SLCO5A1: variants seen among roughly 807,000 people sequenced by gnomAD.
SLCO5A1 encodes solute carrier organic anion transporter family member 5A1, also known as organic anion transporter polypeptide-related protein 4.
SLCO5A1 carries 39 observed loss-of-function variants against 65.1 expected under a neutral mutation model. The ratio of observed to expected loss-of-function variants is 0.60; its 90% CI spans 0.46 to 0.78. SLCO5A1 has a LOEUF of 0.78. Among genes scored for constraint, SLCO5A1 ranks in the 30% least tolerant of loss-of-function variants. The probability of loss-of-function intolerance (pLI) is 0.00; values close to 1 mark genes in which losing one functional copy is unlikely to be tolerated. For missense variants in SLCO5A1, 1,029 were observed against 1,069.4 expected (o/e 0.96, Z 0.53); for synonymous variants, 438 against 415.7 (o/e 1.05, Z -0.65).
chr8:69,831,775 A>G lies in SLCO5A1; in HGVS notation c.899T>C (p.Leu300Ser). The change falls in exon 2 of 10, where the codon TTG becomes TCG. Residue 300 changes from leucine to serine, a missense_variant. Leu to Ser is a moderately radical substitution (Grantham distance 145, BLOSUM62 -2). Coordinates refer to ENST00000260126, the MANE Select transcript of SLCO5A1 (RefSeq NM_030958.3). ...DDNVKKENSS[L>S]YLAIMYVMGA... ...GAACAGGAAAGTCTTACCTAGGTACAAGGAGGAGTTTTCTTTCTTGACATT... is the reference window on the plus strand; with the variant it reads ...GAACAGGAAAGTCTTACCTAGGTACGAGGAGGAGTTTTCTTTCTTGACATT... 6.2e-7 allele frequency: 1 copy of G among 1,613,888 alleles called. No individual in the cohort carries two copies.
In SLCO5A1 at chr8:69,832,077, G is replaced by A. The variant is rs773246886; in HGVS notation, c.597C>T (p.Ala199=). 2.0e-5 allele frequency: 33 copies of A among 1,613,550 alleles called. No homozygotes were observed. The highest frequency in any genetic ancestry group is 2.8e-5 in the Non-Finnish European group (33 of 1,179,970). Residue 199 remains alanine, a synonymous_variant, in exon 2 of 10, where the codon GCC becomes GCT. Transcript: ENST00000260126. The surrounding 1 kb of genome is among the most constrained non-coding windows in gnomAD (Gnocchi z 4.5). ...GGRGRRPLWL[A]VGGLLIAFGA... ...CGAAGGCGATGAGGAGTCCACCCAC[G>A]GCCAGCCACAGGGGCCGCCGACCCC...
chr8:69,752,824 G>C (rs1817375946), intron 4 of SLCO5A1, among the ~76,000 whole-genome samples: 1 of 152,092 alleles, frequency 6.6e-6, no homozygotes, highest in Admixed American at 6.5e-5. Context: ...GATAATCAAG[G>C]CATAGGGTAA....
rs1160770352 is a variant in SLCO5A1, at chr8:69,667,501, C to T, written c.*5368G>A. On this transcript the variant is annotated 3_prime_UTR_variant, in exon 10 of 10. Transcript: ENST00000260126. ...CTTACCAATTATCAATTACCAATTG[C>T]CAATAATCGGTACTAGTCTTACCAA... 2 of 152,138 alleles carry T rather than the reference C, an allele frequency of 1.3e-5. No individual in the cohort carries two copies. Among genetic ancestry groups the T allele is most frequent in the African/African-American group, 4.8e-5 (2 of 41,410 alleles). 9.4% of individuals were successfully genotyped at this position (152,138 alleles called of 1,614,324 possible).
intron 2 of SLCO5A1, among the ~76,000 whole-genome samples, chr8:69,818,488 G>A (rs1586832427): frequency 6.6e-6 from 1 of 152,272 alleles, no homozygotes; most frequent in East Asian, 1.9e-4. Flanking sequence ...CAGAAGGACT[G>A]TTTCAGACCA....
chr8:69,831,891 C>G lies in SLCO5A1; in HGVS notation c.783G>C (p.Trp261Cys). 1 of 1,610,918 alleles carries G rather than the reference C, an allele frequency of 6.2e-7. No individual in the cohort carries two copies. Among genetic ancestry groups the G allele is most frequent in the Non-Finnish European group, 8.5e-7 (1 of 1,179,152 alleles). Residue 261 changes from tryptophan (W) to cysteine (C), a missense_variant, in exon 2 of 10, where the codon TGG becomes TGC. Physicochemically the swap from Trp to Cys is radical, Grantham distance 215. Transcript: ENST00000260126. Reference sequence around the variant, plus strand: ...CGCAAATGAATAAAGCCACGTAGACCCAGTGATTATTTCCTCCCGAGTCCT... The same window carrying G: ...CGCAAATGAATAAAGCCACGTAGACGCAGTGATTATTTCCTCCCGAGTCCT... ...CPKDSGGNNH[W>C]VYVALFICAQ...
At chr8:69,697,686 A>C (rs1814556633) in intron 6 of SLCO5A1, among the ~76,000 whole-genome samples, 1 of 151,922 alleles carries the variant, frequency 6.6e-6, no homozygotes, top group Non-Finnish European at 1.5e-5. Context: ...ATTTCACAAC[A>C]CCTTGAAAAA....
intron 2 of SLCO5A1, among the ~76,000 whole-genome samples, chr8:69,790,477 A>C (rs1819220315): frequency 6.6e-6 from 1 of 152,070 alleles, no homozygotes; most frequent in African/African-American, 2.4e-5. Context: ...TTTAACTATT[A>C]AAATTGAGGA....
At chr8:69,784,832 A>G (rs1415126149) in intron 2 of SLCO5A1, among the ~76,000 whole-genome samples, 3 of 145,594 alleles carry the variant, frequency 2.1e-5, no homozygotes, top group Non-Finnish European at 4.5e-5. Flanking sequence ...AGAAAGAAAG[A>G]AAGAAAGAAA....
chr8:69,714,734 C>T (rs1165971355), intron 5 of SLCO5A1: 1 of 152,194 alleles, frequency 6.6e-6, no homozygotes, highest in Non-Finnish European at 1.5e-5. Context: ...AAAACCTTAG[C>T]CTCAATGACT....
At position 69,757,801 on chromosome 8, in the gene SLCO5A1, TGCTC is replaced by T. The variant is rs1269742434; in HGVS notation, c.1041-2164_1041-2161del. On this transcript the variant is annotated intron_variant, in intron 3 of 9. Coordinates refer to ENST00000260126, the MANE Select transcript of SLCO5A1 (RefSeq NM_030958.3). ...TTACCCATCAGGCACTATCAGGCAC[TGCTC>T]ACTTGCCTCTGGAGCCTCTCTCCAC... 6.1e-5 allele frequency among the ~76,000 whole-genome samples: 9 copies of T among 146,856 alleles called. No homozygotes were observed. In the South Asian group the frequency reaches 8.6e-4, roughly 14 times the overall value.
chr8:69,826,312 G>C (rs930918841), intron 2 of SLCO5A1, among the ~76,000 whole-genome samples: 1 of 151,760 alleles, frequency 6.6e-6, no homozygotes, highest in Non-Finnish European at 1.5e-5. Flanking sequence ...CTTCTGCACA[G>C]CAAAAGAAAC....
rs200624129 is a variant in SLCO5A1, at chr8:69,716,780, T to TC, written c.1424-11552dup. 4.5e-3 allele frequency among the ~76,000 whole-genome samples: 551 copies of TC among 122,932 alleles called. 3 individuals are homozygous for TC. The highest frequency in any genetic ancestry group is 0.016 in the African/African-American group (504 of 31,338). 80.6% of individuals were successfully genotyped at this position (122,932 alleles called of 152,430 possible). On this transcript the variant is annotated intron_variant, in intron 5 of 9. Coordinates refer to ENST00000260126, the MANE Select transcript of SLCO5A1 (RefSeq NM_030958.3). The stretch of plus-strand genomic sequence containing the variant: ...TCTCCCATTCTGCAAGCTGTGTTTT[T>TC]CCTTTTTTTTTTTTTTTAAGACAGG...
intron 2 of SLCO5A1, among the ~76,000 whole-genome samples, chr8:69,767,241 C>T (rs149479327): frequency 2.2e-4 from 34 of 152,274 alleles, no homozygotes; most frequent in East Asian, 1.9e-4. Context: ...TCTGAGAGCA[C>T]GCTAAATCAT....
chr8:69,738,454 A>C (rs1051579872), intron 4 of SLCO5A1, among the ~76,000 whole-genome samples: 5 of 152,232 alleles, frequency 3.3e-5, no homozygotes, highest in African/African-American at 1.2e-4. Context: ...CCCATACACA[A>C]ATATCCTTAT....
At chr8:69,768,991 C>T (rs145281731) in intron 2 of SLCO5A1, among the ~76,000 whole-genome samples, 162 of 152,296 alleles carry the variant, frequency 1.1e-3, no homozygotes, top group African/African-American at 3.6e-3. Context: ...TTCACTCAGT[C>T]GGCACACTGA....
intron 6 of SLCO5A1, among the ~76,000 whole-genome samples, chr8:69,690,086 A>G (rs529450318): frequency 1.6e-3 from 239 of 151,974 alleles, no homozygotes; most frequent in Middle Eastern, 0.01. Context: ...CTTATTCTAC[A>G]CCTCTCATGT....
chr8:69,738,176 T>G lies in SLCO5A1; in HGVS notation c.1287A>C (p.Leu429Phe), dbSNP rs1204582087. 2 of 1,612,030 alleles carry G rather than the reference T, an allele frequency of 1.2e-6. No homozygotes were observed. The highest frequency in any genetic ancestry group is 1.7e-6 in the Non-Finnish European group (2 of 1,178,962). Residue 429 changes from leucine to phenylalanine, a missense_variant, in exon 5 of 10, where the codon TTA (leucine) becomes TTC (phenylalanine). By Grantham distance (22) the Leu-to-Phe change is conservative (BLOSUM62 0). Around this residue, in one of 3 missense-constraint regions of SLCO5A1, gnomAD observed 647 missense variants for 647.5 expected, o/e 1.00. Transcript: ENST00000260126. ...TCACAAAAAGGAATGTCATGTTGCT[T>G]AAGATCCTGACAGCTGCTCTTGGTA... ...RDLPRAAVRI[L>F]SNMTFLFVSL...
rs530600449 is a variant in SLCO5A1 at position 69,767,293 on chromosome 8, A to G, written c.908-5418T>C. Among the ~76,000 whole-genome samples, 6 of 152,274 alleles carry G rather than the reference A, an allele frequency of 3.9e-5. No homozygotes were observed. In the South Asian group the frequency reaches 1.2e-3, roughly 32 times the overall value. On this transcript the variant is annotated intron_variant, in intron 2 of 9. Transcript: ENST00000260126. The stretch of plus-strand genomic sequence containing the variant: ...TAAATGTGCCCTACTTTTTATTTCT[A>G]TTTATCCTGTCAAATATTTATATCT...
At chr8:69,756,563 A>G (rs1489281942) in intron 3 of SLCO5A1, among the ~76,000 whole-genome samples, 3 of 152,248 alleles carry the variant, frequency 2.0e-5, no homozygotes, top group Non-Finnish European at 1.5e-5. Flanking sequence ...AGAAACCTCT[A>G]AGAAATGCAA....
Sources: gnomAD v4.1 joint callset for allele counts (sites outside exome capture counted in the v4.1 genomes callset) on GRCh38, gnomAD v4.1.1 for gene constraint, gnomAD v4.1.1 regional missense constraint, Gnocchi (gnomAD v3.1) non-coding constraint, MANE v1.5 for transcripts, NCBI Gene and HGNC (gene_info 2026-07-23, HGNC 2026-07-21) for gene names.